TRIP12: variants seen among roughly 807,000 people sequenced by gnomAD.
TRIP12 encodes the protein E3 ubiquitin-protein ligase TRIP12.
Under a neutral mutation model 244.2 loss-of-function variants are expected in TRIP12, and 25 were observed. That is an observed-to-expected ratio of 0.10 (90% CI 0.07 to 0.14). The LOEUF is 0.14. TRIP12 is among the 10% of genes least tolerant of loss of function. TRIP12 has a pLI of 1.00. For missense variants in TRIP12, 1,677 were observed against 2,486.4 expected, an observed-to-expected ratio of 0.67 and a Z score of 6.92; for synonymous variants, 905 against 873.1, an observed-to-expected ratio of 1.04 and a Z score of -0.64.
chr2:229,908,038 T>C (rs1398346830), intron 1 of TRIP12, among the ~76,000 whole-genome samples: 1 of 151,984 alleles, frequency 6.6e-6, no homozygotes, highest in Non-Finnish European at 1.5e-5. Context: ...CAGTGTTCGC[T>C]CTTACCCACT....
chr2:229,834,296 C>T (rs998307309), intron 6 of TRIP12, among the ~76,000 whole-genome samples: 1 of 152,206 alleles, frequency 6.6e-6, no homozygotes, highest in African/African-American at 2.4e-5. Context: ...TGTGATCTAA[C>T]CCTGATCATT....
intron 4 of TRIP12, among the ~76,000 whole-genome samples, chr2:229,857,414 C>T (rs2059769167): frequency 1.3e-5 from 2 of 152,066 alleles, no homozygotes; most frequent in African/African-American, 4.8e-5. Flanking sequence ...AGGTGGATCA[C>T]TTGTCCCAGT....
rs1034215355 is a variant in TRIP12, at chr2:229,796,802, T to C, written c.3625-20A>G. 1 of 1,531,460 alleles carries C rather than the reference T, an allele frequency of 6.5e-7. No homozygotes were observed. The highest frequency in any genetic ancestry group is 2.3e-5 in the Admixed American group (1 of 43,024). The allele number at this position is 1,531,460 out of a possible 1,614,324, so 94.9% of individuals were successfully genotyped here. On this transcript the variant is annotated intron_variant, in intron 24 of 41. Coordinates refer to ENST00000675903, the MANE Select transcript of TRIP12 (RefSeq NM_001348323.3). The stretch of plus-strand genomic sequence containing the variant: ...ATCCACCTGAAAGAGTTAGGAAAAG[T>C]ATTTCTATATTGATTTAAGCAGCAC...
chr2:229,791,489 T>C (rs1007809046), intron 29 of TRIP12, among the ~76,000 whole-genome samples: 1 of 152,166 alleles, frequency 6.6e-6, no homozygotes, highest in African/African-American at 2.4e-5. Flanking sequence ...TCTTCAAGCA[T>C]ATGTAGCAGA....
intron 25 of TRIP12, 68 bp from the exon 26 acceptor site, chr2:229,795,398 G>T: frequency 1.3e-6 from 2 of 1,510,686 alleles, no homozygotes; most frequent in Non-Finnish European, 1.8e-6. Context: ...TCAAAGAGAA[G>T]ATTTAATAAG....
intron 39 of TRIP12, 79 bp downstream of exon 39, chr2:229,771,440 C>T (rs565834929): frequency 3.6e-5 from 45 of 1,235,028 alleles, no homozygotes; most frequent in Non-Finnish European, 5.0e-5. Flanking sequence ...TGCAACAATA[C>T]GGTCTTTGAC....
intron 1 of TRIP12, chr2:229,921,493 C>T (rs1425627742): frequency 4.0e-5 from 6 of 151,540 alleles, no homozygotes; most frequent in African/African-American, 1.5e-4. Flanking sequence ...CCCAGACACC[C>T]TCCAAGCTCC....
chr2:229,821,737 T>A (rs554367838), intron 8 of TRIP12, among the ~76,000 whole-genome samples: 1 of 152,284 alleles, frequency 6.6e-6, no homozygotes, highest in South Asian at 2.1e-4. Flanking sequence ...GTTTGCTAAT[T>A]TCTGATAGGA....
intron 29 of TRIP12, among the ~76,000 whole-genome samples, chr2:229,791,612 T>C (rs1271928614): frequency 2.0e-5 from 3 of 152,236 alleles, no homozygotes; most frequent in Non-Finnish European, 4.4e-5. Context: ...ATTAAAGACC[T>C]GAAATAAATC....
At position 229,779,072 on chromosome 2, in the gene TRIP12, T is replaced by G. The variant is rs2037228185; in HGVS notation, c.5095-82A>C. 1.0e-5 allele frequency: 11 copies of G among 1,072,318 alleles called. No individual in the cohort carries two copies. The South Asian group carries it at 1.4e-4, about 14-fold the overall frequency. The allele number at this position is 1,072,318 out of a possible 1,614,324, so 66.4% of individuals were successfully genotyped here. A position where few individuals can be genotyped will look rare whatever the true frequency, so the allele number is the denominator to read the frequency against. ...GCCAACCTCTTGGAAATGTGCACAC[T>G]AACAGCAACTGTTTACCAGGATGCA... is the stretch of plus-strand genomic sequence containing the variant. On this transcript the variant is annotated intron_variant, in intron 34 of 41. Coordinates refer to ENST00000675903, the MANE Select transcript of TRIP12 (RefSeq NM_001348323.3).
At chr2:229,833,792 A>G (rs944667444) in intron 6 of TRIP12, among the ~76,000 whole-genome samples, 3 of 152,076 alleles carry the variant, frequency 2.0e-5, no homozygotes, top group South Asian at 2.1e-4. Flanking sequence ...CTATTTTTGT[A>G]TATGTTTTAC....
intron 8 of TRIP12, among the ~76,000 whole-genome samples, chr2:229,822,981 A>G (rs2050479346): frequency 6.6e-6 from 1 of 152,236 alleles, no homozygotes; most frequent in East Asian, 1.9e-4. Flanking sequence ...TAGTGAATTT[A>G]AAAACTGATC....
In TRIP12 at chr2:229,778,803, T is replaced by C. The variant is rs774242000; in HGVS notation, c.5209+73A>G. On this transcript the variant is annotated intron_variant, in intron 35 of 41. Coordinates refer to ENST00000675903, the MANE Select transcript of TRIP12 (RefSeq NM_001348323.3). The surrounding 1 kb of genome is among the most constrained non-coding windows in gnomAD (Gnocchi z 4.1). ...ACAGCTGTCCATTAGAAATTAAATA[T>C]GTCTAATAAACTGTCAGAGTCCATT... The C allele has an allele frequency of 4.9e-6, 7 of 1,428,328 alleles. No individual in the cohort carries two copies. Among genetic ancestry groups the C allele is most frequent in the South Asian group, 1.2e-5 (1 of 82,638 alleles). 88.5% of individuals were successfully genotyped at this position (1,428,328 alleles called of 1,614,324 possible).
intron 4 of TRIP12, among the ~76,000 whole-genome samples, chr2:229,851,643 A>C (rs1045018229): frequency 6.6e-6 from 1 of 152,196 alleles, no homozygotes; most frequent in East Asian, 1.9e-4. Context: ...TTTATGAGCT[A>C]TAACACTCAC....
chr2:229,916,324 A>C (rs1277709903), intron 1 of TRIP12, among the ~76,000 whole-genome samples: 1 of 152,246 alleles, frequency 6.6e-6, no homozygotes, highest in Non-Finnish European at 1.5e-5. Context: ...TCACTTGAAC[A>C]GTGCTATTAA....
At chr2:229,841,918 C>CA (rs759662675) in intron 4 of TRIP12, among the ~76,000 whole-genome samples, 2 of 152,170 alleles carry the variant, frequency 1.3e-5, no homozygotes, top group Non-Finnish European at 2.9e-5. Context: ...GGATTCTAGA[C>CA]ATTTTCTTGA....
intron 2 of TRIP12, among the ~76,000 whole-genome samples, chr2:229,863,408 A>AT (rs889180615): frequency 6.6e-6 from 1 of 152,170 alleles, no homozygotes; most frequent in Non-Finnish European, 1.5e-5. Context: ...GACTTAATAC[A>AT]TTTTCCATAA....
At chr2:229,832,203 A>G (rs1032216899) in intron 6 of TRIP12, among the ~76,000 whole-genome samples, 1 of 152,254 alleles carries the variant, frequency 6.6e-6, no homozygotes, top group African/African-American at 2.4e-5. Context: ...AAACAGGGTC[A>G]GCAAAATATG....
intron 15 of TRIP12, 104 bp from the exon 16 acceptor site, chr2:229,808,473 C>A: frequency 1.3e-6 from 1 of 756,926 alleles, no homozygotes; most frequent in South Asian, 1.8e-5. Flanking sequence ...GAATCATTTT[C>A]TTACAAAGCA....
Sources: allele counts gnomAD v4.1 joint callset (sites outside exome capture counted in the v4.1 genomes callset), GRCh38; gene constraint gnomAD v4.1.1; non-coding constraint Gnocchi (gnomAD v3.1); transcripts MANE v1.5; gene names NCBI Gene and HGNC (gene_info 2026-07-23, HGNC 2026-07-21).